Variants in CRISPLD2 observed in about 807,000 individuals in gnomAD.
CRISPLD2 encodes cysteine rich secretory protein LCCL domain containing 2, also known as cysteine-rich secretory protein LCCL domain-containing 2.
In CRISPLD2, 47 loss-of-function variants were observed where a neutral mutation model predicts 71.1. The observed-to-expected ratio is 0.66, with a 90% CI of 0.52 to 0.84. The LOEUF is 0.84. Among genes scored for constraint, CRISPLD2 ranks in the 40% least tolerant of loss-of-function variants. The probability of loss-of-function intolerance (pLI) is 0.00; values close to 1 mark genes in which losing one functional copy is unlikely to be tolerated. For missense variants in CRISPLD2, 830 were observed against 651.1 expected (o/e 1.27, Z -2.99); for synonymous variants, 317 against 250.1 (o/e 1.27, Z -2.52).
At chr16:84,835,882 A>G (rs954029115) in intron 1 of CRISPLD2, among the ~76,000 whole-genome samples, 18 of 152,138 alleles carry the variant, frequency 1.2e-4, no homozygotes, top group African/African-American at 4.3e-4. Context: ...TAAAAACAGC[A>G]TTTGACTCCT....
intron 1 of CRISPLD2, 65 bp from the exon 2 acceptor site, chr16:84,838,357 C>T: frequency 1.9e-6 from 2 of 1,037,626 alleles, no homozygotes; most frequent in South Asian, 3.1e-5. Context: ...GTTCGCTGCT[C>T]CAGCCAGCGC....
intron 6 of CRISPLD2, among the ~76,000 whole-genome samples, chr16:84,860,987 C>T (rs1917363734): frequency 6.6e-6 from 1 of 152,168 alleles, no homozygotes; most frequent in African/African-American, 2.4e-5. Context: ...TAGAAGCAAC[C>T]AATCAGCTTC....
rs2071804735 is a variant in CRISPLD2 at position 84,906,613 on chromosome 16, G to T, written c.1465G>T (p.Ala489Ser). Residue 489 changes from alanine (A) to serine (S), a missense_variant, in exon 15 of 15, where the codon GCC (alanine) becomes TCC (serine). Ala to Ser is a moderately conservative substitution (Grantham distance 99, BLOSUM62 1). Transcript: ENST00000262424. ...CCTGGGGACTCCTCGGGATGGAAAGGCCTTCCGGATCTTTGCTGTCAGGCA... is the reference window on the plus strand; with the variant it reads ...CCTGGGGACTCCTCGGGATGGAAAGTCCTTCCGGATCTTTGCTGTCAGGCA... ...ESLGTPRDGK[A>S]FRIFAVRQ The T allele has an allele frequency of 1.2e-6, 2 of 1,613,514 alleles. No individual in the cohort carries two copies. Among genetic ancestry groups the T allele is most frequent in the Non-Finnish European group, 1.7e-6 (2 of 1,180,046 alleles).
At chr16:84,877,305 C>G in intron 11 of CRISPLD2, 133 bp from the exon 12 acceptor site, 1 of 710,800 alleles carries the variant, frequency 1.4e-6, no homozygotes, top group Non-Finnish European at 2.4e-6. Context: ...CCTGCTGGGT[C>G]GTAGTCCCAG....
rs746467916 is a variant in CRISPLD2 at position 84,872,520 on chromosome 16, C to T, written c.981+12C>T. 3 of 1,609,058 alleles carry T rather than the reference C, an allele frequency of 1.9e-6. No individual in the cohort carries two copies. The highest frequency in any genetic ancestry group is 1.7e-5 in the Admixed American group (1 of 59,712). ...TGTTCTATGAAAGCGTGAGTGTGGC[C>T]AGTCCTCCTCTCAATGGCTTGTGTG... On this transcript the variant is annotated intron_variant, in intron 9 of 14. Transcript: ENST00000262424.
intron 9 of CRISPLD2, 96 bp downstream of exon 9, chr16:84,872,604 T>G (rs1213890457): frequency 2.8e-6 from 3 of 1,086,230 alleles, no homozygotes; most frequent in Admixed American, 2.1e-5. Context: ...AGATTTTCTT[T>G]CCACTCCTTA....
chr16:84,874,606 C>T (rs192410520), intron 11 of CRISPLD2, among the ~76,000 whole-genome samples: 14 of 152,314 alleles, frequency 9.2e-5, no homozygotes, highest in African/African-American at 3.4e-4. Flanking sequence ...GGAGCTCTGC[C>T]GGCAGACCAT....
chr16:84,837,686 G>GGAT (rs1916658782), intron 1 of CRISPLD2, among the ~76,000 whole-genome samples: 1 of 152,162 alleles, frequency 6.6e-6, no homozygotes, highest in African/African-American at 2.4e-5. Flanking sequence ...CAAAGTGCTG[G>GGAT]GATTACAGGC....
At chr16:84,864,034 A>T (rs1177928324) in intron 6 of CRISPLD2, among the ~76,000 whole-genome samples, 1 of 151,142 alleles carries the variant, frequency 6.6e-6, no homozygotes, top group African/African-American at 2.4e-5. Context: ...CATGCCGGGG[A>T]GGGCCCAGCC....
chr16:84,863,971 AAAAAG>A (rs1220020911), intron 6 of CRISPLD2, among the ~76,000 whole-genome samples: 57 of 149,364 alleles, frequency 3.8e-4, no homozygotes, highest in African/African-American at 1.3e-3. Context: ...AAAAAAAAAA[AAAAAG>A]AAAGAAAGAG....
At chr16:84,860,698 C>T (rs1266422733) in intron 6 of CRISPLD2, among the ~76,000 whole-genome samples, 3 of 152,190 alleles carry the variant, frequency 2.0e-5, no homozygotes, top group Non-Finnish European at 2.9e-5. Context: ...CTAGCTTCAG[C>T]AGGGTCCTCC....
rs1433325568 is a variant in CRISPLD2, at chr16:84,903,239, C to T, written c.1440-3349C>T. Among the ~76,000 whole-genome samples, 3 of 151,950 alleles carry T rather than the reference C, an allele frequency of 2.0e-5. No homozygotes were observed. The East Asian group carries it at 5.8e-4, about 29-fold the overall frequency. ...GGTCTCCTCTCCAGCCTGGCCCCTT[C>T]CTGGACCTCCCCCAAGAACCCAGGT... On this transcript the variant is annotated intron_variant, in intron 14 of 14. Coordinates refer to ENST00000262424, the MANE Select transcript of CRISPLD2 (RefSeq NM_031476.4).
intron 2 of CRISPLD2, chr16:84,839,044 C>A: frequency 2.1e-6 from 1 of 465,790 alleles, no homozygotes; most frequent in Non-Finnish European, 4.1e-6. Context: ...CACCATGGTG[C>A]CCAGCTAGAT....
At chr16:84,873,825 A>T in intron 10 of CRISPLD2, 95 bp from the exon 11 acceptor site, 1 of 1,176,186 alleles carries the variant, frequency 8.5e-7, no homozygotes, top group Non-Finnish European at 1.2e-6. Context: ...TCGAGACTGC[A>T]AATAAGATAA....
chr16:84,837,361 T>C (rs1916646085), intron 1 of CRISPLD2, among the ~76,000 whole-genome samples: 1 of 152,004 alleles, frequency 6.6e-6, no homozygotes, highest in Admixed American at 6.6e-5. Context: ...GCATCTCTGC[T>C]TACCAGGAGG....
At chr16:84,888,296 G>T (rs2071630539) in intron 13 of CRISPLD2, among the ~76,000 whole-genome samples, 1 of 152,218 alleles carries the variant, frequency 6.6e-6, no homozygotes. Context: ...CACTTTGAGA[G>T]GCCAAGGCGG....
At chr16:84,879,765 C>A (rs117083016) in intron 12 of CRISPLD2, among the ~76,000 whole-genome samples, 1 of 152,192 alleles carries the variant, frequency 6.6e-6, no homozygotes, top group Non-Finnish European at 1.5e-5. Flanking sequence ...GTCCCTTTGC[C>A]TGGCCTTCTT....
chr16:84,895,359 C>T (rs2071697285), intron 14 of CRISPLD2, among the ~76,000 whole-genome samples: 1 of 152,146 alleles, frequency 6.6e-6, no homozygotes, highest in Admixed American at 6.5e-5. Context: ...AAGAAGGGGC[C>T]AGGGAGACCC....
intron 2 of CRISPLD2, 163 bp downstream of exon 2, chr16:84,838,898 G>C: frequency 1.0e-6 from 1 of 972,060 alleles, no homozygotes; most frequent in East Asian, 2.6e-5. Flanking sequence ...TGTTTTGTTT[G>C]TTTGTTTTGA....
Sources: gnomAD v4.1 joint callset for allele counts (sites outside exome capture counted in the v4.1 genomes callset) on GRCh38, gnomAD v4.1.1 for gene constraint, MANE v1.5 for transcripts, NCBI Gene and HGNC (gene_info 2026-07-23, HGNC 2026-07-21) for gene names.